Variants in NKAIN3 observed in about 807,000 individuals in gnomAD.
NKAIN3 encodes the protein sodium/potassium-transporting ATPase subunit beta-1-interacting protein 3.
Under a neutral mutation model 30.2 loss-of-function variants are expected in NKAIN3, and 25 were observed. The observed-to-expected ratio is 0.83, with a 90% CI of 0.60 to 1.16. The LOEUF is 1.16. NKAIN3 is among the 50% of genes most tolerant of loss of function. The probability of loss-of-function intolerance (pLI) is 0.00; values close to 1 mark genes in which losing one functional copy is unlikely to be tolerated. For synonymous variants in NKAIN3, 91 were observed against 89.6 expected (o/e 1.02, Z -0.09); for missense variants, 225 against 254.1 (o/e 0.89, Z 0.78).
intron 4 of NKAIN3, among the ~76,000 whole-genome samples, chr8:62,791,466 A>T (rs985403216): frequency 1.3e-5 from 2 of 152,154 alleles, no homozygotes; most frequent in Admixed American, 1.3e-4. Flanking sequence ...CAAAGGTCCA[A>T]ATAAATGACT....
intron 1 of NKAIN3, among the ~76,000 whole-genome samples, chr8:62,460,299 C>T (rs1329431706): frequency 6.6e-6 from 1 of 151,624 alleles, no homozygotes; most frequent in Non-Finnish European, 1.5e-5. Flanking sequence ...GTAATCCCAG[C>T]TACTTGGGAG....
chr8:62,804,169 A>T (rs1000953097), intron 4 of NKAIN3, among the ~76,000 whole-genome samples: 2 of 152,210 alleles, frequency 1.3e-5, no homozygotes, highest in Non-Finnish European at 1.5e-5. Flanking sequence ...TTCACAGCAG[A>T]ATTCTACCAG....
intron 1 of NKAIN3, among the ~76,000 whole-genome samples, chr8:62,280,434 G>A (rs1009702175): frequency 2.0e-5 from 3 of 152,040 alleles, no homozygotes; most frequent in African/African-American, 7.2e-5. Context: ...GGTGAGAGAC[G>A]GCATCCCTAT....
At chr8:62,338,203 A>G (rs1276526252) in intron 1 of NKAIN3, among the ~76,000 whole-genome samples, 1 of 152,022 alleles carries the variant, frequency 6.6e-6, no homozygotes, top group Non-Finnish European at 1.5e-5. Context: ...ATATTTCATG[A>G]TGTGAAAAGT....
In NKAIN3 at chr8:62,966,597, A is replaced by G. The variant is rs1335207064; in HGVS notation, c.*1190A>G. ...ATGCCCTCTTTCAGGCAATGCCTACATTCTCACAGACAACCACTGTGCTAA... is the reference window on the plus strand; with the variant it reads ...ATGCCCTCTTTCAGGCAATGCCTACGTTCTCACAGACAACCACTGTGCTAA... On this transcript the variant is annotated 3_prime_UTR_variant, in exon 7 of 7. Transcript: ENST00000623646. The G allele has an allele frequency of 6.5e-6, 1 of 154,926 alleles. No individual in the cohort carries two copies. The highest frequency in any genetic ancestry group is 1.4e-5 in the Non-Finnish European group (1 of 70,500). The allele number at this position is 154,926 out of a possible 1,614,324, so 9.6% of individuals were successfully genotyped here. A position where few individuals can be genotyped will look rare whatever the true frequency, so the allele number is the denominator to read the frequency against.
At chr8:62,544,727 A>ATCCT (rs3059060) in intron 1 of NKAIN3, among the ~76,000 whole-genome samples, 77,302 of 151,404 alleles carry the variant, frequency 0.51, 20,300 homozygotes, top group Non-Finnish European at 0.59. Context: ...AGTACAAACA[A>ATCCT]TCCTTGAACA....
intron 4 of NKAIN3, among the ~76,000 whole-genome samples, chr8:62,833,869 C>A (rs369291504): frequency 1.3e-5 from 2 of 151,670 alleles, no homozygotes; most frequent in East Asian, 1.9e-4. Context: ...AAAGACACCA[C>A]GAAAAAAGAA....
At chr8:62,625,365 A>C (rs1315980513) in intron 3 of NKAIN3, among the ~76,000 whole-genome samples, 4 of 152,114 alleles carry the variant, frequency 2.6e-5, no homozygotes, top group African/African-American at 9.7e-5. Context: ...AGGAAGCTAG[A>C]GTTTGCCTGA....
intron 3 of NKAIN3, among the ~76,000 whole-genome samples, chr8:62,697,806 A>G (rs1259709006): frequency 6.6e-6 from 1 of 152,244 alleles, no homozygotes; most frequent in Non-Finnish European, 1.5e-5. Context: ...TTATTTTGCA[A>G]AAGATGTAAT....
chr8:62,300,998 AACTATGAACAGAAG>A (rs1370194252), intron 1 of NKAIN3, among the ~76,000 whole-genome samples: 7 of 152,136 alleles, frequency 4.6e-5, no homozygotes, highest in African/African-American at 1.7e-4. Flanking sequence ...AATTGTATAG[AACTATGAACAGAAG>A]ACTATCAAAT....
intron 4 of NKAIN3, among the ~76,000 whole-genome samples, chr8:62,869,219 T>C (rs1820514949): frequency 6.6e-6 from 1 of 152,226 alleles, no homozygotes; most frequent in African/African-American, 2.4e-5. Flanking sequence ...TAGGTATGCA[T>C]GTGCCATGGT....
At chr8:62,575,491 CA>C (rs1178831533) in intron 1 of NKAIN3, among the ~76,000 whole-genome samples, 16 of 151,986 alleles carry the variant, frequency 1.1e-4, no homozygotes, top group African/African-American at 3.9e-4. Context: ...AAAGATATTC[CA>C]TGTTTATGGA....
In NKAIN3 at chr8:62,979,070, T is replaced by C. The variant is rs986238760; in HGVS notation, c.*13663T>C. 2.6e-5 allele frequency: 4 copies of C among 152,512 alleles called. No individual in the cohort carries two copies. Among genetic ancestry groups the C allele is most frequent in the African/African-American group, 9.7e-5 (4 of 41,428 alleles). The allele number at this position is 152,512 out of a possible 1,614,324, so 9.4% of individuals were successfully genotyped here. A position where few individuals can be genotyped will look rare whatever the true frequency, so the allele number is the denominator to read the frequency against. On this transcript the variant is annotated 3_prime_UTR_variant, in exon 7 of 7. Coordinates refer to ENST00000623646, the MANE Select transcript of NKAIN3 (RefSeq NM_001304533.3). Reference sequence around the variant, plus strand: ...CACTGTCTAACCAGTCCCAGTGAGATGAACCGAGTACCTCAGTTGGAAATG... The same window carrying C: ...CACTGTCTAACCAGTCCCAGTGAGACGAACCGAGTACCTCAGTTGGAAATG...
chr8:62,431,126 T>A (rs1804982887), intron 1 of NKAIN3, among the ~76,000 whole-genome samples: 1 of 151,924 alleles, frequency 6.6e-6, no homozygotes, highest in African/African-American at 2.4e-5. Context: ...AAACCATTTT[T>A]CCTTTTATTA....
At chr8:62,479,807 G>C (rs1209278285) in intron 1 of NKAIN3, among the ~76,000 whole-genome samples, 4 of 147,588 alleles carry the variant, frequency 2.7e-5, no homozygotes, top group Admixed American at 2.6e-4. Context: ...ATAAACCTTA[G>C]ATATGTTATT....
chr8:62,897,779 T>G (rs541246279), intron 4 of NKAIN3, among the ~76,000 whole-genome samples: 2 of 152,260 alleles, frequency 1.3e-5, no homozygotes, highest in South Asian at 4.1e-4. Flanking sequence ...GATTAGTTTC[T>G]GAGAGAACAG....
chr8:62,666,966 G>A (rs1813123843), intron 3 of NKAIN3, among the ~76,000 whole-genome samples: 1 of 151,988 alleles, frequency 6.6e-6, no homozygotes, highest in Non-Finnish European at 1.5e-5. Context: ...GATCCTGTAG[G>A]ATATATAAAA....
At chr8:62,958,686 T>C (rs1363467513) in intron 6 of NKAIN3, among the ~76,000 whole-genome samples, 3 of 152,170 alleles carry the variant, frequency 2.0e-5, no homozygotes, top group Non-Finnish European at 2.9e-5. Context: ...CAAAGAGATA[T>C]GGAATTTCAG....
rs546779330 is a variant in NKAIN3 at position 62,689,226 on chromosome 8, G to T, written c.274-57706G>T. 7.8e-4 allele frequency among the ~76,000 whole-genome samples: 118 copies of T among 152,236 alleles called. 1 individual carries two copies. The highest frequency in any genetic ancestry group is 3.4e-3 in the Middle Eastern group (1 of 294). On this transcript the variant is annotated intron_variant, in intron 3 of 6. Coordinates refer to ENST00000623646, the MANE Select transcript of NKAIN3 (RefSeq NM_001304533.3). The stretch of plus-strand genomic sequence containing the variant: ...CTGCTGTTGTGATGCAACAAAAAGT[G>T]CTTGGGTATCATCCTTTATAAGGAG...
Sources: allele counts gnomAD v4.1 joint callset (sites outside exome capture counted in the v4.1 genomes callset), GRCh38; gene constraint gnomAD v4.1.1; transcripts MANE v1.5; gene names NCBI Gene and HGNC (gene_info 2026-07-23, HGNC 2026-07-21).